Variants in NOS2 observed in about 807,000 individuals in gnomAD.
NOS2 encodes nitric oxide synthase 2.
A neutral mutation model predicts 136.0 loss-of-function variants in NOS2; 96 were observed. That is an observed-to-expected ratio of 0.71 (90% CI 0.60 to 0.84). NOS2 has a LOEUF of 0.84. Ranked by LOEUF, NOS2 falls within the 40% of genes least tolerant of loss-of-function variation. The pLI is 0.00. For synonymous variants in NOS2, 539 were observed against 587.5 expected (o/e 0.92, Z 1.20); for missense variants, 1,237 against 1,496.9 (o/e 0.83, Z 2.87).
chr17:27,760,906 T>C (rs1022855070), intron 23 of NOS2, among the ~76,000 whole-genome samples, 162 bp from the exon 24 acceptor site: 3 of 152,174 alleles, frequency 2.0e-5, no homozygotes, highest in Admixed American at 6.5e-5. Flanking sequence ...GCTTCACTTC[T>C]GTCCAGGCAC....
In NOS2 at chr17:27,780,904, C is replaced by T. The variant is rs200217776; in HGVS notation, c.867G>A (p.Leu289=). ...TGGGCTTCCAGCCCAGGTCGATGCA[C>T]AGCTGGGGAACAAGACGGGCCCTGT... The part of the protein sequence containing the change: ...GDPANVEFTQ[L]CIDLGWKPKY... The change falls in exon 9 of 27, where the codon CTG becomes CTA. Residue 289 remains leucine (L), a splice_region_variant and synonymous_variant. Transcript: ENST00000313735. 3 of 1,612,156 alleles carry T rather than the reference C, an allele frequency of 1.9e-6. No homozygotes were observed. In the South Asian group the frequency reaches 3.3e-5, roughly 18 times the overall value.
At chr17:27,785,137 C>A (rs1908980961) in intron 5 of NOS2, among the ~76,000 whole-genome samples, 1 of 150,834 alleles carries the variant, frequency 6.6e-6, no homozygotes, top group African/African-American at 2.5e-5. Flanking sequence ...CGAATCCCCA[C>A]TCTGGGGCTT....
intron 9 of NOS2, among the ~76,000 whole-genome samples, chr17:27,779,598 G>A (rs1486778491): frequency 2.0e-5 from 3 of 152,108 alleles, no homozygotes; most frequent in Admixed American, 2.0e-4. Flanking sequence ...CACATAGGAT[G>A]CCATTTATTA....
chr17:27,798,591 G>A (rs1909429726), intron 2 of NOS2, 109 bp downstream of exon 2: 4 of 724,992 alleles, frequency 5.5e-6, no homozygotes, highest in Non-Finnish European at 1.0e-5. Flanking sequence ...GAGGAGATCA[G>A]ACCTCAGGTG....
intron 2 of NOS2, among the ~76,000 whole-genome samples, chr17:27,792,992 G>T (rs1002437170): frequency 1.3e-5 from 2 of 151,854 alleles, no homozygotes; most frequent in African/African-American, 4.8e-5. Flanking sequence ...CAAAAAAAGG[G>T]GTCGGGGGCG....
rs199863768 is a variant in NOS2 at position 27,779,034 on chromosome 17, C to G, written c.1027G>C (p.Glu343Gln). ...HPKYEWFREL[E>Q]LKWYALPAVA... Reference sequence around the variant, plus strand: ...GCAGGCAGGGCGTACCACTTTAGCTCCAGTTCCCGAAACCACTCGTATCTG... The same window carrying G: ...GCAGGCAGGGCGTACCACTTTAGCTGCAGTTCCCGAAACCACTCGTATCTG... Residue 343 changes from glutamate (E) to glutamine (Q), a missense_variant, in exon 10 of 27, where the codon GAG becomes CAG. Physicochemically the swap from Glu to Gln is conservative, Grantham distance 29 (BLOSUM62 2). Coordinates refer to ENST00000313735, the MANE Select transcript of NOS2 (RefSeq NM_000625.4). 1 of 1,551,274 alleles carries G rather than the reference C, an allele frequency of 6.4e-7. No homozygotes were observed. The highest frequency in any genetic ancestry group is 8.7e-7 in the Non-Finnish European group (1 of 1,145,544).
At chr17:27,788,966 C>G in intron 3 of NOS2, 35 bp from the exon 4 acceptor site, 1 of 1,607,764 alleles carries the variant, frequency 6.2e-7, no homozygotes, top group Non-Finnish European at 8.5e-7. Flanking sequence ...TCTCTCAGGT[C>G]TCTCCTAGAC....
In NOS2 at chr17:27,782,055, A is replaced by G; in HGVS notation, c.682T>C (p.Cys228Arg). The G allele has an allele frequency of 6.2e-7, 1 of 1,614,188 alleles. No individual in the cohort carries two copies. Among genetic ancestry groups the G allele is most frequent in the Non-Finnish European group, 8.5e-7 (1 of 1,180,044 alleles). ...TTGGTGGAGTAACGCACGTGTCTGC[A>G]GATGTGTTCAAACATTTCCCGGGCA... ...STAREMFEHI[C>R]RHVRYSTNNG... The change falls in exon 7 of 27, where the codon TGC (cysteine) becomes CGC (arginine). Residue 228 changes from cysteine (C) to arginine (R), a missense_variant. By Grantham distance (180) the Cys-to-Arg change is radical. Transcript: ENST00000313735.
At chr17:27,793,657 C>G in intron 2 of NOS2, 1 of 396,974 alleles carries the variant, frequency 2.5e-6, no homozygotes, top group Middle Eastern at 6.3e-4. Context: ...CAGCCGGGGC[C>G]CGGCGGCCTC....
intron 16 of NOS2, 89 bp downstream of exon 16, chr17:27,769,446 C>A: frequency 9.0e-7 from 1 of 1,114,218 alleles, no homozygotes; most frequent in South Asian, 1.3e-5. Context: ...TCTGAGAAGA[C>A]CCCCTGTGCA....
intron 25 of NOS2, among the ~76,000 whole-genome samples, chr17:27,759,294 T>C (rs1908034294): frequency 6.6e-6 from 1 of 152,214 alleles, no homozygotes; most frequent in Non-Finnish European, 1.5e-5. Context: ...GACACAGTCC[T>C]GCCCTCGAGG....
At chr17:27,781,209 C>A (rs761531798) in intron 7 of NOS2, 32 bp from the exon 8 acceptor site, 1 of 1,581,038 alleles carries the variant, frequency 6.3e-7, no homozygotes, top group Non-Finnish European at 8.6e-7. Context: ...CTGTTTACCA[C>A]CTAGCCCTGG....
chr17:27,758,038 C>T (rs145815905), intron 26 of NOS2, among the ~76,000 whole-genome samples: 110 of 152,326 alleles, frequency 7.2e-4, no homozygotes, highest in African/African-American at 2.0e-3. Flanking sequence ...CACTCCCCAG[C>T]GTTCCCTGGG....
intron 3 of NOS2, 131 bp from the exon 4 acceptor site, chr17:27,789,062 T>C (rs960297461): frequency 3.9e-6 from 5 of 1,295,790 alleles, no homozygotes; most frequent in Non-Finnish European, 5.2e-6. Context: ...CTCCTCTGTT[T>C]CCAGCCCCCG....
Position 27,766,553 on chromosome 17 carries a change from T to C in NOS2, c.2203A>G (p.Met735Val). Reference protein sequence around the residue: ...SSMHAKNVFTMRLKSRQNLQS... With the variant: ...SSMHAKNVFTVRLKSRQNLQS... ...AGATTCTGCCGAGATTTGAGCCTCA[T>C]GGTGAACACGTTCTTGGCATGCATG... The change falls in exon 19 of 27, where the codon ATG becomes GTG. Residue 735 changes from methionine (M) to valine (V), a missense_variant. This residue lies in a region of NOS2 where 782 missense variants were observed against 909.9 expected (regional missense o/e 0.86). Coordinates refer to ENST00000313735, the MANE Select transcript of NOS2 (RefSeq NM_000625.4). 6.2e-7 allele frequency: 1 copy of C among 1,614,158 alleles called. No individual in the cohort carries two copies. The highest frequency in any genetic ancestry group is 1.3e-5 in the African/African-American group (1 of 75,058).
intron 13 of NOS2, among the ~76,000 whole-genome samples, chr17:27,772,814 G>A (rs554077732): frequency 1.3e-5 from 2 of 152,182 alleles, no homozygotes; most frequent in South Asian, 2.1e-4. Context: ...CAGGAAGATC[G>A]CTTGAGCCCA....
intron 24 of NOS2, 138 bp downstream of exon 24, chr17:27,760,485 A>G: frequency 3.4e-6 from 4 of 1,166,262 alleles, no homozygotes; most frequent in East Asian, 2.6e-5. Context: ...TCTAACCCGC[A>G]GAGGCCCGCA....
In NOS2 at chr17:27,780,865, G is replaced by A. The variant is rs753280840; in HGVS notation, c.906C>T (p.Phe302=). 8.1e-6 allele frequency: 13 copies of A among 1,613,986 alleles called. No homozygotes were observed. Among genetic ancestry groups the A allele is most frequent in the African/African-American group, 2.7e-5 (2 of 74,940 alleles). ...DLGWKPKYGR[F]DVVPLVLQAN... is the part of the protein sequence containing the mutation. ...CCTGCAGGACCAGGGGGACCACATCGAAGCGGCCGTACTTGGGCTTCCAGC... is the reference window on the plus strand; with the variant it reads ...CCTGCAGGACCAGGGGGACCACATCAAAGCGGCCGTACTTGGGCTTCCAGC... The change falls in exon 9 of 27, where the codon TTC becomes TTT. Residue 302 remains phenylalanine (F), a synonymous_variant. Coordinates refer to ENST00000313735, the MANE Select transcript of NOS2 (RefSeq NM_000625.4).
In NOS2 at chr17:27,771,096, C is replaced by T. The variant is rs28999411; in HGVS notation, c.1705-79G>A. 102 of 991,636 alleles carry T rather than the reference C, an allele frequency of 1.0e-4. No homozygotes were observed. The African/African-American group carries it at 1.4e-3, about 14-fold the overall frequency. 61.4% of individuals were successfully genotyped at this position (991,636 alleles called of 1,614,324 possible). A position where few individuals can be genotyped will look rare whatever the true frequency, so the allele number is the denominator to read the frequency against. On this transcript the variant is annotated intron_variant, in intron 14 of 26. Coordinates refer to ENST00000313735, the MANE Select transcript of NOS2 (RefSeq NM_000625.4). ...ACCCTGCGCAGACACCCTGGGCTTC[C>T]TCCCACACTGCCCCCAGGCTGCGGC...
Sources: gnomAD v4.1 joint callset for allele counts (sites outside exome capture counted in the v4.1 genomes callset) on GRCh38, gnomAD v4.1.1 for gene constraint, gnomAD v4.1.1 regional missense constraint, MANE v1.5 for transcripts, NCBI Gene and HGNC (gene_info 2026-07-23, HGNC 2026-07-21) for gene names.